SORCS3: variants seen among roughly 807,000 people sequenced by gnomAD.
SORCS3 encodes VPS10 domain-containing receptor SorCS3.
A neutral mutation model predicts 146.3 loss-of-function variants in SORCS3; 57 were observed. That is an observed-to-expected ratio of 0.39 (90% CI 0.31 to 0.49). The LOEUF (loss-of-function observed/expected upper bound fraction) is 0.49, where lower values mean the gene tolerates loss of function less well. Among genes scored for constraint, SORCS3 ranks in the 20% least tolerant of loss-of-function variants. SORCS3 has a pLI of 0.92. For missense variants in SORCS3, 1,341 were observed against 1,575.5 expected (o/e 0.85, Z 2.52); for synonymous variants, 653 against 618.5 (o/e 1.06, Z -0.83).
intron 6 of SORCS3, among the ~76,000 whole-genome samples, chr10:105,103,705 C>T (rs1316586365): frequency 3.3e-5 from 5 of 151,960 alleles, no homozygotes; most frequent in African/African-American, 9.7e-5. Flanking sequence ...GTTGATGGGG[C>T]GAATGGAATC....
At chr10:104,963,682 A>T (rs1377021618) in intron 3 of SORCS3, among the ~76,000 whole-genome samples, 1 of 152,110 alleles carries the variant, frequency 6.6e-6, no homozygotes, top group East Asian at 1.9e-4. Context: ...TAAACCTTGT[A>T]CATTGCTCTT....
At chr10:104,724,247 C>A (rs1479741799) in intron 1 of SORCS3, among the ~76,000 whole-genome samples, 3 of 152,062 alleles carry the variant, frequency 2.0e-5, no homozygotes, top group Non-Finnish European at 4.4e-5. Flanking sequence ...CTTAGTTTGG[C>A]TGGATATGAA....
intron 7 of SORCS3, among the ~76,000 whole-genome samples, chr10:105,108,370 A>G (rs551240224): frequency 8.5e-5 from 13 of 152,220 alleles, no homozygotes; most frequent in African/African-American, 3.1e-4. Context: ...TTTATAGTAT[A>G]TTGGTGGCAT....
Position 105,191,058 on chromosome 10 carries a change from T to G in SORCS3, c.2010-8941T>G, listed in dbSNP as rs577918932. ...TCTGGGCCATCTAATATGAACACTTTTGTGCTTAAGCACTTTATTCTACAG... is the reference window on the plus strand; with the variant it reads ...TCTGGGCCATCTAATATGAACACTTGTGTGCTTAAGCACTTTATTCTACAG... On this transcript the variant is annotated intron_variant, in intron 14 of 26. Transcript: ENST00000369701. Among the ~76,000 whole-genome samples, 22 of 152,346 alleles carry G rather than the reference T, an allele frequency of 1.4e-4. No homozygotes were observed. In the South Asian group the frequency reaches 1.5e-3, roughly 10 times the overall value.
chr10:104,853,977 G>A (rs1191959747), intron 2 of SORCS3, among the ~76,000 whole-genome samples: 2 of 152,248 alleles, frequency 1.3e-5, no homozygotes, highest in South Asian at 2.1e-4. Flanking sequence ...CCCGAGATTC[G>A]TGCTGTCAGT....
At chr10:104,672,848 G>A (rs1026173764) in intron 1 of SORCS3, among the ~76,000 whole-genome samples, 2 of 152,146 alleles carry the variant, frequency 1.3e-5, no homozygotes, top group Admixed American at 1.3e-4. Flanking sequence ...CATTTTTTGA[G>A]GGTAAGGTAT....
At position 105,063,100 on chromosome 10, in the gene SORCS3, C is replaced by A. The variant is rs1006174318; in HGVS notation, c.1028+19972C>A. 3.9e-5 allele frequency among the ~76,000 whole-genome samples: 6 copies of A among 152,280 alleles called. 1 individual carries two copies. The highest frequency in any genetic ancestry group is 6.8e-3 in the Middle Eastern group (2 of 292). On this transcript the variant is annotated intron_variant, in intron 5 of 26. Transcript: ENST00000369701. ...TAAAATATCACTTGAGGTTTTACAGCCTGTGCTAGCTTTAAGAAAACAATT... is the reference window on the plus strand; with the variant it reads ...TAAAATATCACTTGAGGTTTTACAGACTGTGCTAGCTTTAAGAAAACAATT...
At chr10:104,799,341 A>G (rs907104331) in intron 1 of SORCS3, among the ~76,000 whole-genome samples, 3 of 152,208 alleles carry the variant, frequency 2.0e-5, no homozygotes, top group African/African-American at 7.2e-5. Flanking sequence ...TGGCATATAT[A>G]CACCATGGAA....
At chr10:104,965,123 C>T (rs2054819077) in intron 3 of SORCS3, among the ~76,000 whole-genome samples, 1 of 152,188 alleles carries the variant, frequency 6.6e-6, no homozygotes, top group South Asian at 2.1e-4. Context: ...TTGATAGACA[C>T]TTGGGTTGCT....
chr10:105,066,382 T>C (rs1291842352), intron 5 of SORCS3, among the ~76,000 whole-genome samples: 1 of 152,076 alleles, frequency 6.6e-6, no homozygotes, highest in Non-Finnish European at 1.5e-5. Context: ...GTGAGAAAGA[T>C]CTGGGTTTAG....
At chr10:104,896,466 GAA>G (rs1187011477) in intron 2 of SORCS3, among the ~76,000 whole-genome samples, 1 of 152,248 alleles carries the variant, frequency 6.6e-6, no homozygotes, top group Non-Finnish European at 1.5e-5. Flanking sequence ...GCAACTCAAA[GAA>G]GGCATAATTT....
chr10:104,735,931 C>T (rs2016766376), intron 1 of SORCS3, among the ~76,000 whole-genome samples: 1 of 152,244 alleles, frequency 6.6e-6, no homozygotes, highest in Non-Finnish European at 1.5e-5. Flanking sequence ...AAACACAATA[C>T]AGTAGTAGCC....
chr10:104,851,724 G>A (rs2018276069), intron 2 of SORCS3, among the ~76,000 whole-genome samples: 1 of 152,196 alleles, frequency 6.6e-6, no homozygotes, highest in East Asian at 1.9e-4. Flanking sequence ...GTTTATAGGA[G>A]AGTGATTTGA....
intron 20 of SORCS3, among the ~76,000 whole-genome samples, chr10:105,235,116 T>C (rs1443892813): frequency 1.3e-5 from 2 of 152,224 alleles, no homozygotes; most frequent in African/African-American, 4.8e-5. Context: ...GAGTGGGCTG[T>C]AGGTAGGTAT....
In SORCS3 at chr10:104,732,147, G is replaced by A. The variant is rs374616183; in HGVS notation, c.627+90193G>A. Among the ~76,000 whole-genome samples, 18 of 152,288 alleles carry A rather than the reference G, an allele frequency of 1.2e-4. 1 individual carries two copies. In the South Asian group the frequency reaches 1.9e-3, roughly 16 times the overall value. On this transcript the variant is annotated intron_variant, in intron 1 of 26. Coordinates refer to ENST00000369701, the MANE Select transcript of SORCS3 (RefSeq NM_014978.3). Reference sequence around the variant, plus strand: ...AACATCATCTTATATTACTGCTGCTGGTTTGGTGTTTAATTGGCCCTCAGT... The same window carrying A: ...AACATCATCTTATATTACTGCTGCTAGTTTGGTGTTTAATTGGCCCTCAGT...
chr10:105,157,088 A>C, intron 9 of SORCS3, 50 bp from the exon 10 acceptor site: 1 of 1,601,224 alleles, frequency 6.2e-7, no homozygotes, highest in East Asian at 2.2e-5. Context: ...CTCCAAGACC[A>C]AAGGCATGTT....
chr10:104,857,005 T>C (rs2018342694), intron 2 of SORCS3, among the ~76,000 whole-genome samples: 1 of 150,200 alleles, frequency 6.7e-6, no homozygotes, highest in South Asian at 2.1e-4. Context: ...AGATTAATTC[T>C]AGCTTTGGAG....
intron 1 of SORCS3, among the ~76,000 whole-genome samples, chr10:104,700,410 G>A (rs568129912): frequency 6.9e-5 from 10 of 144,018 alleles, no homozygotes; most frequent in Admixed American, 2.1e-4. Flanking sequence ...TCCATGTGAT[G>A]GGAAACGTGT....
At chr10:104,981,523 A>C (rs938951276) in intron 4 of SORCS3, among the ~76,000 whole-genome samples, 2 of 152,206 alleles carry the variant, frequency 1.3e-5, no homozygotes, top group African/African-American at 4.8e-5. Context: ...CTGATGACTG[A>C]AACAGCTTAC....
Sources: allele counts gnomAD v4.1 joint callset (sites outside exome capture counted in the v4.1 genomes callset), GRCh38; gene constraint gnomAD v4.1.1; transcripts MANE v1.5; gene names NCBI Gene and HGNC (gene_info 2026-07-23, HGNC 2026-07-21).